Variants in ENOX1 observed in about 807,000 individuals in gnomAD.
ENOX1 encodes candidate growth-related and time keeping constitutive hydroquinone (NADH) oxidase.
Under a neutral mutation model 82.5 loss-of-function variants are expected in ENOX1, and 42 were observed. The observed-to-expected ratio is 0.51, with a 90% CI of 0.40 to 0.66. The LOEUF is 0.66. Among genes scored for constraint, ENOX1 ranks in the 30% least tolerant of loss-of-function variants. The probability of loss-of-function intolerance (pLI) is 0.00; values close to 1 mark genes in which losing one functional copy is unlikely to be tolerated. For synonymous variants in ENOX1, 271 were observed against 282.2 expected (o/e 0.96, Z 0.40); for missense variants, 608 against 811.6 (o/e 0.75, Z 3.05).
chr13:43,663,033 C>T (rs887632268), intron 2 of ENOX1, among the ~76,000 whole-genome samples: 1 of 152,078 alleles, frequency 6.6e-6, no homozygotes, highest in Non-Finnish European at 1.5e-5. Context: ...GTAACCAATT[C>T]TGTGTGAAAA....
At chr13:43,619,571 T>G (rs1409012054) in intron 2 of ENOX1, among the ~76,000 whole-genome samples, 1 of 152,182 alleles carries the variant, frequency 6.6e-6, no homozygotes, top group East Asian at 1.9e-4. Context: ...TTGTGTATGT[T>G]AAACCATCCC....
chr13:43,572,962 G>A (rs1396372085), intron 2 of ENOX1, among the ~76,000 whole-genome samples: 1 of 152,118 alleles, frequency 6.6e-6, no homozygotes, highest in Non-Finnish European at 1.5e-5. Flanking sequence ...CATTACCTCT[G>A]GGACATATAT....
chr13:43,281,695 T>C (rs532018486), intron 12 of ENOX1, among the ~76,000 whole-genome samples: 3 of 152,268 alleles, frequency 2.0e-5, no homozygotes, highest in African/African-American at 7.2e-5. Context: ...CTGCTCACAG[T>C]GATGGCACAA....
intron 3 of ENOX1, among the ~76,000 whole-genome samples, chr13:43,416,374 T>C (rs2054555502): frequency 4.2e-5 from 6 of 141,746 alleles, no homozygotes; most frequent in Non-Finnish European, 6.1e-5. Flanking sequence ...GAAGCGCTCC[T>C]CACATCCCAG....
chr13:43,517,201 G>A (rs139824970), intron 2 of ENOX1, among the ~76,000 whole-genome samples: 32 of 152,228 alleles, frequency 2.1e-4, no homozygotes, highest in African/African-American at 7.5e-4. Context: ...GGTCATTTAA[G>A]AAAAATGTCC....
chr13:43,367,253 G>C (rs2050909700), intron 5 of ENOX1, among the ~76,000 whole-genome samples: 1 of 152,200 alleles, frequency 6.6e-6, no homozygotes, highest in Non-Finnish European at 1.5e-5. Context: ...GTCTGGCATA[G>C]GGTTTGTAAG....
rs2041398931 is a variant in ENOX1, at chr13:43,215,081, T to C, written c.1801-960A>G. Among the ~76,000 whole-genome samples, 3 of 152,252 alleles carry C rather than the reference T, an allele frequency of 2.0e-5. No homozygotes were observed. In the South Asian group the frequency reaches 6.2e-4, roughly 31 times the overall value. ...GATATGGGCACATAGAAATGTTCAT[T>C]GAATCAGAGCTATTACACTTTTTCA... is the stretch of plus-strand genomic sequence containing the variant. On this transcript the variant is annotated intron_variant, in intron 16 of 16. Transcript: ENST00000690772.
At chr13:43,627,239 C>T (rs938952546) in intron 2 of ENOX1, among the ~76,000 whole-genome samples, 8 of 151,920 alleles carry the variant, frequency 5.3e-5, no homozygotes, top group African/African-American at 9.7e-5. Flanking sequence ...TGACAGCCTC[C>T]GTCTTGATCG....
intron 1 of ENOX1, among the ~76,000 whole-genome samples, chr13:43,763,013 C>G (rs1048675818): frequency 6.6e-6 from 1 of 152,166 alleles, no homozygotes; most frequent in Non-Finnish European, 1.5e-5. Flanking sequence ...TGCATTGAAT[C>G]TTCTTCATAT....
intron 1 of ENOX1, among the ~76,000 whole-genome samples, chr13:43,693,670 G>T (rs1241394085): frequency 6.6e-6 from 1 of 152,106 alleles, no homozygotes; most frequent in South Asian, 2.1e-4. Context: ...CACAAAAAAT[G>T]TTGGATGGCC....
intron 3 of ENOX1, among the ~76,000 whole-genome samples, chr13:43,440,595 T>C (rs1222073129): frequency 6.6e-6 from 1 of 152,180 alleles, no homozygotes; most frequent in Non-Finnish European, 1.5e-5. Flanking sequence ...CTTTCGCATG[T>C]ATCATCTCAT....
intron 5 of ENOX1, among the ~76,000 whole-genome samples, chr13:43,389,450 T>G (rs115759197): frequency 0.012 from 1,755 of 152,292 alleles, 31 homozygotes; most frequent in African/African-American, 0.04. Flanking sequence ...CAGGGCAATT[T>G]TGGAAATATC....
chr13:43,588,175 T>G (rs996720979), intron 2 of ENOX1, among the ~76,000 whole-genome samples: 5 of 152,224 alleles, frequency 3.3e-5, no homozygotes, highest in Non-Finnish European at 7.3e-5. Context: ...TTTCATTTTC[T>G]CATATTGACC....
At chr13:43,349,763 A>C (rs557580131) in intron 8 of ENOX1, among the ~76,000 whole-genome samples, 1 of 152,350 alleles carries the variant, frequency 6.6e-6, no homozygotes, top group East Asian at 1.9e-4. Flanking sequence ...TTAGGAGCTG[A>C]CCAAAGTAAG....
intron 15 of ENOX1, among the ~76,000 whole-genome samples, chr13:43,224,570 C>T (rs535406832): frequency 6.6e-6 from 1 of 152,256 alleles, no homozygotes; most frequent in Non-Finnish European, 1.5e-5. Flanking sequence ...TCAGATTTTC[C>T]TGATAATTAC....
intron 3 of ENOX1, among the ~76,000 whole-genome samples, chr13:43,451,415 A>C (rs1223455018): frequency 1.3e-5 from 2 of 152,200 alleles, no homozygotes; most frequent in Admixed American, 6.5e-5. Flanking sequence ...CCTCTGATGG[A>C]AAATGAAAAG....
chr13:43,565,474 C>T (rs1355222534), intron 2 of ENOX1, among the ~76,000 whole-genome samples: 2 of 152,054 alleles, frequency 1.3e-5, no homozygotes, highest in South Asian at 2.1e-4. Context: ...GCCTGGGGTT[C>T]TCTCTCATGG....
chr13:43,279,982 C>T (rs2045285863), intron 12 of ENOX1, among the ~76,000 whole-genome samples: 1 of 152,244 alleles, frequency 6.6e-6, no homozygotes, highest in African/African-American at 2.4e-5. Flanking sequence ...CATTCTCTCC[C>T]TTGCCTTTGC....
At chr13:43,607,094 G>A (rs1436706883) in intron 2 of ENOX1, among the ~76,000 whole-genome samples, 1 of 152,166 alleles carries the variant, frequency 6.6e-6, no homozygotes, top group East Asian at 1.9e-4. Flanking sequence ...AAATAACTAA[G>A]AGGATAATTG....
Sources: allele counts gnomAD v4.1 joint callset (sites outside exome capture counted in the v4.1 genomes callset), GRCh38; gene constraint gnomAD v4.1.1; transcripts MANE v1.5; gene names NCBI Gene and HGNC (gene_info 2026-07-23, HGNC 2026-07-21).